The following FRMD7 variants were observed in gnomAD, a reference collection of about 807,000 sequenced individuals.
FRMD7 encodes the protein FERM domain containing 7, also known as FERM domain-containing protein 7.
In FRMD7, 14 loss-of-function variants were observed where a neutral mutation model predicts 44.1. The ratio of observed to expected loss-of-function variants is 0.32; its 90% CI spans 0.21 to 0.50. The LOEUF (loss-of-function observed/expected upper bound fraction) is 0.50, where lower values mean the gene tolerates loss of function less well. FRMD7 is among the 20% of genes least tolerant of loss of function. FRMD7 has a pLI of 0.99. For missense variants in FRMD7, 501 were observed against 522.3 expected (o/e 0.96, Z 0.40); for synonymous variants, 212 against 187.4 (o/e 1.13, Z -1.07).
chrX:132,083,041 C>T (rs760228666), intron 8 of FRMD7, among the ~76,000 whole-genome samples: 3 of 111,936 alleles, frequency 2.7e-5, no homozygotes, highest in Non-Finnish European at 3.8e-5. Context: ...ACCTCAAACT[C>T]CTGGGCTCAA....
In FRMD7 at chrX:132,078,447, C is replaced by T. The variant is rs762430974; in HGVS notation, c.1570G>A (p.Glu524Lys). 8.3e-7 allele frequency: 1 copy of T among 1,211,313 alleles called. No homozygotes were observed. Among genetic ancestry groups the T allele is most frequent in the Admixed American group, 2.2e-5 (1 of 45,969 alleles). Residue 524 changes from glutamate (E) to lysine (K), a missense_variant, in exon 12 of 12, where the codon GAG becomes AAG. Coordinates refer to ENST00000298542, the MANE Select transcript of FRMD7 (RefSeq NM_194277.3). ...EERTSPHSYV[E>K]PTAMKPAERS... The stretch of plus-strand genomic sequence containing the variant: ...TCAGCTGGCTTCATTGCAGTGGGCT[C>T]TACATAGCTATGTGGACTTGTCCTT...
intron 1 of FRMD7, among the ~76,000 whole-genome samples, chrX:132,101,076 T>TA (rs1227910572): frequency 9.0e-6 from 1 of 111,348 alleles, no homozygotes; most frequent in Non-Finnish European, 1.9e-5. Flanking sequence ...TTAGTCAAGA[T>TA]GTAAATCCAA....
In FRMD7 at chrX:132,077,271, A is replaced by T. The variant is rs1178858900; in HGVS notation, c.*601T>A. 8.9e-6 allele frequency: 1 copy of T among 111,973 alleles called. No homozygotes were observed. Among genetic ancestry groups the T allele is most frequent in the African/African-American group, 3.3e-5 (1 of 30,756 alleles). 9.2% of individuals were successfully genotyped at this position (111,973 alleles called of 1,213,427 possible). ...ATTTCCTAGGTTTAGAATTCTGCCAAGTCCTAGATTAATTCTAAACCTGTA... is the reference window on the plus strand; with the variant it reads ...ATTTCCTAGGTTTAGAATTCTGCCATGTCCTAGATTAATTCTAAACCTGTA... On this transcript the variant is annotated 3_prime_UTR_variant, in exon 12 of 12. Coordinates refer to ENST00000298542, the MANE Select transcript of FRMD7 (RefSeq NM_194277.3).
intron 1 of FRMD7, among the ~76,000 whole-genome samples, chrX:132,118,871 A>G (rs1273284380): frequency 9.1e-6 from 1 of 109,439 alleles, no homozygotes; most frequent in Non-Finnish European, 1.9e-5. Context: ...CAGCCCCCCA[A>G]CTCCCCAACA....
intron 5 of FRMD7, among the ~76,000 whole-genome samples, chrX:132,086,764 T>C (rs192870300): frequency 4.5e-4 from 50 of 112,032 alleles, no homozygotes; most frequent in African/African-American, 1.6e-3. Context: ...TCTGGTATTT[T>C]GTTATGGCAG....
chrX:132,102,739 GT>G (rs1380973407), intron 1 of FRMD7, among the ~76,000 whole-genome samples: 1 of 109,526 alleles, frequency 9.1e-6, no homozygotes, highest in Non-Finnish European at 1.9e-5. Context: ...ATACACTCCA[GT>G]TTTTTTTTGC....
intron 5 of FRMD7, among the ~76,000 whole-genome samples, chrX:132,091,216 C>T (rs753757978): frequency 6.3e-5 from 7 of 111,401 alleles, no homozygotes; most frequent in Non-Finnish European, 1.1e-4. Context: ...TGGCCTCAAG[C>T]GATCCTCCCA....
chrX:132,099,205 A>G (rs1434515294), intron 3 of FRMD7, among the ~76,000 whole-genome samples: 1 of 112,035 alleles, frequency 8.9e-6, no homozygotes, highest in Non-Finnish European at 1.9e-5. Context: ...AATGAGATAT[A>G]TTCCTCAAAC....
chrX:132,110,416 A>G (rs1928748980), intron 1 of FRMD7, among the ~76,000 whole-genome samples: 1 of 110,625 alleles, frequency 9.0e-6, no homozygotes, highest in Non-Finnish European at 1.9e-5. Flanking sequence ...TGGGGAGGTT[A>G]AGAGAGAGAG....
chrX:132,123,436 A>G (rs1169359595), intron 1 of FRMD7, among the ~76,000 whole-genome samples: 5 of 111,873 alleles, frequency 4.5e-5, no homozygotes, highest in African/African-American at 1.6e-4. Flanking sequence ...GGTACCTTCT[A>G]TTACACCAAA....
intron 1 of FRMD7, among the ~76,000 whole-genome samples, chrX:132,101,154 A>G (rs1235491573): frequency 3.6e-5 from 4 of 110,081 alleles, no homozygotes; most frequent in Non-Finnish European, 7.6e-5. Context: ...ACTCCTCAGC[A>G]CAGGAGACCC....
intron 4 of FRMD7, 152 bp downstream of exon 4, chrX:132,097,114 T>C: frequency 3.7e-6 from 2 of 536,386 alleles, no homozygotes; most frequent in Non-Finnish European, 6.8e-6. Context: ...GGGAACCAGC[T>C]AGGCCCATCC....
At position 132,107,604 on chromosome X, in the gene FRMD7, GGAGA is replaced by G. The variant is rs749047439; in HGVS notation, c.58-6892_58-6889del. 1.3e-3 allele frequency among the ~76,000 whole-genome samples: 120 copies of G among 91,135 alleles called. 3 individuals carry two copies. The highest frequency in any genetic ancestry group is 3.1e-3 in the East Asian group (10 of 3,272). 79.1% of individuals were successfully genotyped at this position (91,135 alleles called of 115,157 possible). On this transcript the variant is annotated intron_variant, in intron 1 of 11. Coordinates refer to ENST00000298542, the MANE Select transcript of FRMD7 (RefSeq NM_194277.3). Reference sequence around the variant, plus strand: ...CCTTTTCACTATATTTCTACATGGTGGAGAGAGAGAGAGAGAGAGAGAGAGAGAG... The same window carrying G: ...CCTTTTCACTATATTTCTACATGGTGGAGAGAGAGAGAGAGAGAGAGAGAG...
intron 4 of FRMD7, among the ~76,000 whole-genome samples, chrX:132,096,581 C>T (rs866423887): frequency 6.3e-5 from 6 of 94,778 alleles, no homozygotes; most frequent in African/African-American, 1.2e-4. Context: ...AAAAATTAGC[C>T]GGGCGTGGCG....
chrX:132,096,017 T>TC (rs1431494602), intron 4 of FRMD7, among the ~76,000 whole-genome samples: 1 of 111,777 alleles, frequency 8.9e-6, no homozygotes, highest in Non-Finnish European at 1.9e-5. Flanking sequence ...ATTTTCCCAT[T>TC]CTTTTTTTTT....
intron 1 of FRMD7, among the ~76,000 whole-genome samples, chrX:132,111,257 T>G (rs1046259588): frequency 8.9e-5 from 10 of 112,270 alleles, no homozygotes; most frequent in Non-Finnish European, 1.7e-4. Context: ...TTTAAATTTT[T>G]TATCTATTTA....
chrX:132,094,725 T>C (rs764407362), intron 4 of FRMD7, among the ~76,000 whole-genome samples: 1 of 112,036 alleles, frequency 8.9e-6, no homozygotes, highest in African/African-American at 3.2e-5. Flanking sequence ...GTTTTAGAAA[T>C]GAAGAACTTG....
At position 132,082,425 on chromosome X, in the gene FRMD7, C is replaced by T. The variant is rs145014972; in HGVS notation, c.843G>A (p.Ser281=). ...CVEYHAFFRL[S]EEPKSKPKTL... Reference sequence around the variant, plus strand: ...TTTTGGGCTTTGATTTGGGCTCTTCCGAAAGCCTGAAGAAAGCATGGTATT... The same window carrying T: ...TTTTGGGCTTTGATTTGGGCTCTTCTGAAAGCCTGAAGAAAGCATGGTATT... The change falls in exon 9 of 12, where the codon TCG becomes TCA. Residue 281 remains serine, a synonymous_variant. Coordinates refer to ENST00000298542, the MANE Select transcript of FRMD7 (RefSeq NM_194277.3). 108 of 1,208,362 alleles carry T rather than the reference C, an allele frequency of 8.9e-5. 1 individual carries two copies. The South Asian group carries it at 1.1e-3, about 12-fold the overall frequency.
At chrX:132,093,268 C>T (rs1009810159) in intron 5 of FRMD7, among the ~76,000 whole-genome samples, 2 of 112,423 alleles carry the variant, frequency 1.8e-5, no homozygotes, top group Non-Finnish European at 3.8e-5. Flanking sequence ...CAAAAATGAA[C>T]TTAAGATACA....
Sources: allele counts gnomAD v4.1 joint callset (sites outside exome capture counted in the v4.1 genomes callset), GRCh38; gene constraint gnomAD v4.1.1; transcripts MANE v1.5; gene names NCBI Gene and HGNC (gene_info 2026-07-23, HGNC 2026-07-21).